Variants in DNAH14 observed in about 807,000 individuals in gnomAD.
DNAH14 encodes the protein dynein axonemal heavy chain 14.
DNAH14 carries 478 observed loss-of-function variants against 520.9 expected under a neutral mutation model. The observed-to-expected ratio is 0.92, with a 90% CI of 0.85 to 0.99. The LOEUF is 0.99. Among genes scored for constraint, DNAH14 ranks in the 50% least tolerant of loss-of-function variants. The pLI, the probability that DNAH14 is intolerant of heterozygous loss-of-function variation, is 0.00. For missense variants in DNAH14, 4,831 were observed against 5,234.5 expected (o/e 0.92, Z 2.38); for synonymous variants, 1,581 against 1,757.2 (o/e 0.90, Z 2.51).
intron 23 of DNAH14, among the ~76,000 whole-genome samples, chr1:225,105,169 G>T (rs1413358649): frequency 6.6e-6 from 1 of 152,186 alleles, no homozygotes; most frequent in Non-Finnish European, 1.5e-5. Context: ...GGAGCAGGTT[G>T]TTCCTTTTCC....
chr1:225,357,806 A>G, intron 73 of DNAH14: 1 of 702,226 alleles, frequency 1.4e-6, no homozygotes, highest in Admixed American at 2.0e-5. Flanking sequence ...GCTTTAAATG[A>G]TGGAGTCCCA....
intron 8 of DNAH14, among the ~76,000 whole-genome samples, chr1:225,000,547 A>G (rs997198537): frequency 6.7e-6 from 1 of 149,610 alleles, no homozygotes; most frequent in Non-Finnish European, 1.5e-5. Flanking sequence ...ATAATCCCAC[A>G]GGTGAATGAA....
intron 5 of DNAH14, among the ~76,000 whole-genome samples, chr1:224,965,348 G>A (rs2061096773): frequency 6.6e-6 from 1 of 152,034 alleles, no homozygotes; most frequent in Non-Finnish European, 1.5e-5. Flanking sequence ...GCAGAGCCTT[G>A]CAATCTGTAT....
intron 10 of DNAH14, among the ~76,000 whole-genome samples, chr1:225,021,365 G>T (rs573107982): frequency 1.3e-5 from 2 of 152,264 alleles, no homozygotes; most frequent in East Asian, 3.9e-4. Flanking sequence ...TCTGTTTGTA[G>T]ATGATATGAT....
At chr1:225,051,351 G>A in intron 16 of DNAH14, 100 bp from the exon 17 acceptor site, 1 of 829,594 alleles carries the variant, frequency 1.2e-6, no homozygotes, top group Admixed American at 3.6e-5. Flanking sequence ...ACTCCACATA[G>A]CACTATTATT....
intron 54 of DNAH14, among the ~76,000 whole-genome samples, chr1:225,280,347 C>T (rs545801568): frequency 4.2e-4 from 64 of 152,226 alleles, no homozygotes; most frequent in African/African-American, 1.5e-3. Context: ...CACCTGTAAT[C>T]CCAGCACTTT....
At chr1:225,335,405 G>GTGTGTATGCACATATACACGTGTGTACA (rs2094941158) in intron 66 of DNAH14, among the ~76,000 whole-genome samples, 2 of 61,926 alleles carry the variant, frequency 3.2e-5, no homozygotes, top group African/African-American at 1.5e-4. Context: ...ATGTGTACAT[G>GTGTGTATGCACATATACACGTGTGTACA]TGTGTGTATG....
chr1:225,280,997 G>A (rs1422359912), intron 54 of DNAH14, among the ~76,000 whole-genome samples: 1 of 152,186 alleles, frequency 6.6e-6, no homozygotes, highest in African/African-American at 2.4e-5. Context: ...GACACTGATG[G>A]TAACTTAAAT....
At chr1:225,089,606 C>T (rs1385645509) in intron 21 of DNAH14, among the ~76,000 whole-genome samples, 4 of 151,824 alleles carry the variant, frequency 2.6e-5, no homozygotes, top group South Asian at 2.1e-4. Flanking sequence ...AAATCAAGTC[C>T]GTCAATATAC....
rs781272892 is a variant in DNAH14, at chr1:225,390,539, C to T, written c.13330+666C>T. The stretch of plus-strand genomic sequence containing the variant: ...AAATATTTGAAGAATGAATGAATGG[C>T]ATTCTGAATAGAATATATGAATGGA... On this transcript the variant is annotated intron_variant, in intron 83 of 85. Transcript: ENST00000682510. Among the ~76,000 whole-genome samples the T allele has an allele frequency of 4.6e-5, 7 of 152,188 alleles. No homozygotes were observed. The South Asian group carries it at 1.0e-3, about 23-fold the overall frequency.
In DNAH14 at chr1:224,955,095, G is replaced by T; in HGVS notation, c.214G>T (p.Glu72Ter). Residue 72 changes from glutamate (E) to a stop codon, truncating the protein, a stop_gained, in exon 3 of 86, where the codon GAA (glutamate) becomes TAA (stop). Transcript: ENST00000682510. LOFTEE classifies it high-confidence loss of function. ...FSESLKSEKT[E>*]DYLRESIIQQ... Reference sequence around the variant, plus strand: ...TGAATCTTTGAAGTCAGAGAAAACAGAAGGTATTTATCAAGATTACTATTC... The same window carrying T: ...TGAATCTTTGAAGTCAGAGAAAACATAAGGTATTTATCAAGATTACTATTC... 1 of 1,608,606 alleles carries T rather than the reference G, an allele frequency of 6.2e-7. No individual in the cohort carries two copies.
intron 11 of DNAH14, among the ~76,000 whole-genome samples, chr1:225,025,105 A>G (rs1276086512): frequency 2.6e-5 from 4 of 152,084 alleles, no homozygotes; most frequent in African/African-American, 2.4e-5. Flanking sequence ...TGGGAGACCA[A>G]TGAGGATGTA....
intron 38 of DNAH14, among the ~76,000 whole-genome samples, chr1:225,200,372 A>G (rs748902097): frequency 4.6e-5 from 7 of 151,760 alleles, no homozygotes; most frequent in Non-Finnish European, 1.0e-4. Context: ...TCATCATGCT[A>G]TTTGTTGCCT....
chr1:224,973,785 G>C (rs770246408), intron 7 of DNAH14, among the ~76,000 whole-genome samples: 4 of 152,024 alleles, frequency 2.6e-5, no homozygotes, highest in Non-Finnish European at 5.9e-5. Context: ...TTCGAAGTAA[G>C]CCAATAAACA....
At chr1:225,259,346 G>C in intron 46 of DNAH14, 93 bp downstream of exon 46, 1 of 944,544 alleles carries the variant, frequency 1.1e-6, no homozygotes, top group Non-Finnish European at 1.4e-6. Flanking sequence ...AAGCAAATCT[G>C]TTATGTAAAA....
rs116636579 is a variant in DNAH14, at chr1:225,248,703, G to A, written c.6749-3598G>A. On this transcript the variant is annotated intron_variant, in intron 43 of 85. Transcript: ENST00000682510. ...TGAGCTCCCTTAGCACTCAGATCTCGGGAAGGAAAGGCAGTTCAACTTGAG... is the reference window on the plus strand; with the variant it reads ...TGAGCTCCCTTAGCACTCAGATCTCAGGAAGGAAAGGCAGTTCAACTTGAG... Among the ~76,000 whole-genome samples the A allele has an allele frequency of 6.9e-3, 1,050 of 152,158 alleles. 8 individuals are homozygous for A. The highest frequency in any genetic ancestry group is 0.024 in the African/African-American group (981 of 41,498).
At chr1:225,095,705 A>G (rs2074902436) in intron 21 of DNAH14, among the ~76,000 whole-genome samples, 1 of 152,206 alleles carries the variant, frequency 6.6e-6, no homozygotes, top group Non-Finnish European at 1.5e-5. Context: ...CAATCTCAAA[A>G]TAATTATGCT....
intron 17 of DNAH14, among the ~76,000 whole-genome samples, chr1:225,055,288 C>A (rs1205925624): frequency 6.6e-6 from 1 of 152,128 alleles, no homozygotes; most frequent in Non-Finnish European, 1.5e-5. Context: ...GATGTTGGAA[C>A]AAACTAACTC....
At chr1:225,261,918 C>T (rs1195057561) in intron 46 of DNAH14, among the ~76,000 whole-genome samples, 5 of 151,974 alleles carry the variant, frequency 3.3e-5, no homozygotes, top group Admixed American at 2.0e-4. Context: ...TACCCATGGC[C>T]ATACCACCCT....
Sources: allele counts gnomAD v4.1 joint callset (sites outside exome capture counted in the v4.1 genomes callset), GRCh38; gene constraint gnomAD v4.1.1; transcripts MANE v1.5; gene names NCBI Gene and HGNC (gene_info 2026-07-23, HGNC 2026-07-21).